Variants in OSTN observed in about 807,000 individuals in gnomAD.
OSTN encodes osteocrin.
A neutral mutation model predicts 12.0 loss-of-function variants in OSTN; 9 were observed. The ratio of observed to expected loss-of-function variants is 0.75; its 90% confidence interval spans 0.45 to 1.30. OSTN has a LOEUF of 1.30. Among genes scored for constraint, OSTN ranks in the 50% most tolerant of loss-of-function variants. OSTN has a pLI of 0.00. For synonymous variants in OSTN, 59 were observed against 56.9 expected, an observed-to-expected ratio of 1.04 and a Z score of -0.16; for missense variants, 148 against 152.3, an observed-to-expected ratio of 0.97 and a Z score of 0.15.
At chr3:191,215,624 G>A (rs1304726067) in intron 2 of OSTN, among the ~76,000 whole-genome samples, 1 of 152,198 alleles carries the variant, frequency 6.6e-6, no homozygotes, top group Non-Finnish European at 1.5e-5. Flanking sequence ...AAACAAAGGG[G>A]CCACAGACCC....
rs1408066545 is a variant in OSTN, at chr3:191,263,666, A to G, written c.*813A>G. The G allele has an allele frequency of 6.6e-6, 1 of 152,132 alleles. No individual in the cohort carries two copies. The highest frequency in any genetic ancestry group is 1.5e-5 in the Non-Finnish European group (1 of 67,990). 9.4% of individuals were successfully genotyped at this position (152,132 alleles called of 1,614,324 possible). ...TTAGCTCAGTACACTTCAGCATAGT[A>G]CAATGTGATCTTTTTGATATCTTGG... is the stretch of plus-strand genomic sequence containing the variant. On this transcript the variant is annotated 3_prime_UTR_variant, in exon 5 of 5. Transcript: ENST00000682035.
intron 3 of OSTN, among the ~76,000 whole-genome samples, chr3:191,220,489 A>G (rs1714734481): frequency 6.6e-6 from 1 of 152,214 alleles, no homozygotes; most frequent in Non-Finnish European, 1.5e-5. Context: ...AAATTGTAAT[A>G]CAAGAAATGA....
chr3:191,213,577 A>C (rs1423823000), intron 2 of OSTN, among the ~76,000 whole-genome samples: 2 of 152,120 alleles, frequency 1.3e-5, no homozygotes, highest in Non-Finnish European at 2.9e-5. Flanking sequence ...AGTTTTGTTC[A>C]AACTTTTAAT....
intron 1 of OSTN, among the ~76,000 whole-genome samples, chr3:191,209,185 T>G (rs1474643552): frequency 1.3e-5 from 2 of 151,952 alleles, no homozygotes; most frequent in Non-Finnish European, 2.9e-5. Context: ...AAAAGATATA[T>G]CGGAAATATG....
At chr3:191,221,468 G>A (rs554780669) in intron 3 of OSTN, among the ~76,000 whole-genome samples, 1 of 152,254 alleles carries the variant, frequency 6.6e-6, no homozygotes, top group South Asian at 2.1e-4. Context: ...TAGTGATGTG[G>A]TCAATGAAGT....
intron 3 of OSTN, among the ~76,000 whole-genome samples, chr3:191,236,318 A>G (rs1370426103): frequency 6.6e-6 from 1 of 152,118 alleles, no homozygotes; most frequent in Non-Finnish European, 1.5e-5. Context: ...ACACACTAAG[A>G]AGGAGGTATT....
In OSTN at chr3:191,265,052, CACT is replaced by C. The variant is rs1200411550; in HGVS notation, c.*2203_*2205del. On this transcript the variant is annotated 3_prime_UTR_variant, in exon 5 of 5. Transcript: ENST00000682035. ...TTTTATTTCATATTTTAATTTTTACCACTACTTCATTCAGAGTAGAAAATAAGT... is the reference window on the plus strand; with the variant it reads ...TTTTATTTCATATTTTAATTTTTACCACTTCATTCAGAGTAGAAAATAAGT... 2.0e-5 allele frequency: 3 copies of C among 151,978 alleles called. No homozygotes were observed. Among genetic ancestry groups the C allele is most frequent in the Non-Finnish European group, 4.4e-5 (3 of 67,948 alleles). 9.4% of individuals were successfully genotyped at this position (151,978 alleles called of 1,614,324 possible).
chr3:191,208,800 A>C (rs1479333241), intron 1 of OSTN, among the ~76,000 whole-genome samples: 1 of 152,252 alleles, frequency 6.6e-6, no homozygotes, highest in Non-Finnish European at 1.5e-5. Context: ...GACAAAAAGC[A>C]AGAAAGGAAA....
At chr3:191,260,933 A>G (rs1715794703) in intron 4 of OSTN, among the ~76,000 whole-genome samples, 1 of 152,212 alleles carries the variant, frequency 6.6e-6, no homozygotes, top group African/African-American at 2.4e-5. Context: ...ACTATACCCC[A>G]AGTTAAGTCA....
At chr3:191,238,218 C>G (rs1323259511) in intron 3 of OSTN, among the ~76,000 whole-genome samples, 2 of 151,992 alleles carry the variant, frequency 1.3e-5, no homozygotes, top group African/African-American at 4.8e-5. Context: ...TCTCAATCAA[C>G]AGAGGTATAT....
chr3:191,254,450 C>T (rs1252026378), intron 4 of OSTN, among the ~76,000 whole-genome samples: 1 of 152,054 alleles, frequency 6.6e-6, no homozygotes, highest in Non-Finnish European at 1.5e-5. Flanking sequence ...GTCTGCCGGG[C>T]TTTATGAAAA....
chr3:191,258,068 G>T (rs1715709858), intron 4 of OSTN, among the ~76,000 whole-genome samples: 1 of 152,170 alleles, frequency 6.6e-6, no homozygotes, highest in Non-Finnish European at 1.5e-5. Context: ...AAAAATTTAA[G>T]GCTTATCTGG....
At chr3:191,262,029 G>A (rs369315938) in intron 4 of OSTN, among the ~76,000 whole-genome samples, 70 of 152,168 alleles carry the variant, frequency 4.6e-4, no homozygotes, top group African/African-American at 1.7e-3. Context: ...CCCGCCCGGC[G>A]AACATGGTGA....
chr3:191,209,276 A>G (rs1171900673), intron 1 of OSTN, among the ~76,000 whole-genome samples: 1 of 152,248 alleles, frequency 6.6e-6, no homozygotes. Context: ...AAATCAGGAG[A>G]AAAAGAATAC....
At chr3:191,211,450 T>G (rs1196520011) in intron 1 of OSTN, among the ~76,000 whole-genome samples, 2 of 152,218 alleles carry the variant, frequency 1.3e-5, no homozygotes, top group African/African-American at 4.8e-5. Flanking sequence ...CTATATACCA[T>G]GAGGCTATGA....
At chr3:191,253,121 T>C (rs1420456664) in intron 4 of OSTN, among the ~76,000 whole-genome samples, 2 of 152,232 alleles carry the variant, frequency 1.3e-5, no homozygotes, top group African/African-American at 4.8e-5. Flanking sequence ...CATTGTTGGA[T>C]GCTAAATTCA....
intron 3 of OSTN, among the ~76,000 whole-genome samples, chr3:191,240,277 A>G (rs73055331): frequency 7.9e-4 from 121 of 152,318 alleles, no homozygotes; most frequent in African/African-American, 2.8e-3. Context: ...CTCACATGTC[A>G]GTCCTTCCAA....
In OSTN at chr3:191,205,299, AT is replaced by A. The variant is rs540989655; in HGVS notation, c.-1+5994del. On this transcript the variant is annotated intron_variant, in intron 1 of 4. Coordinates refer to ENST00000682035, the MANE Select transcript of OSTN (RefSeq NM_198184.2). Reference sequence around the variant, plus strand: ...ATTAAGGAGCACAGCTAAACCTCTTATTCCTGTCCTTCAAGTCTGAGCCTGA... The same window carrying A: ...ATTAAGGAGCACAGCTAAACCTCTTATCCTGTCCTTCAAGTCTGAGCCTGA... Among the ~76,000 whole-genome samples, 90 of 152,252 alleles carry A rather than the reference AT, an allele frequency of 5.9e-4. 1 individual carries two copies. Among genetic ancestry groups the A allele is most frequent in the South Asian group, 2.9e-3 (14 of 4,826 alleles).
chr3:191,235,685 C>G (rs567301438), intron 3 of OSTN, among the ~76,000 whole-genome samples: 1 of 152,308 alleles, frequency 6.6e-6, no homozygotes, highest in African/African-American at 2.4e-5. Flanking sequence ...CATTTGACAC[C>G]ACCATCAGCA....
Sources: gnomAD v4.1 joint callset for allele counts (sites outside exome capture counted in the v4.1 genomes callset) on GRCh38, gnomAD v4.1.1 for gene constraint, MANE v1.5 for transcripts, NCBI Gene and HGNC (gene_info 2026-07-23, HGNC 2026-07-21) for gene names.